ELP2: variants seen among roughly 807,000 people sequenced by gnomAD.
ELP2 encodes the protein elongator complex protein 2.
Under a neutral mutation model 119.2 loss-of-function variants are expected in ELP2, and 90 were observed. The observed-to-expected ratio is 0.75, with a 90% confidence interval of 0.64 to 0.90. ELP2 has a LOEUF of 0.90. ELP2 is among the 40% of genes least tolerant of loss of function. ELP2 has a pLI of 0.00. For missense variants in ELP2, 921 were observed against 967.8 expected (o/e 0.95, Z 0.64); for synonymous variants, 339 against 331.0 (o/e 1.02, Z -0.26).
chr18:36,141,518 C>A, intron 6 of ELP2: 1 of 331,332 alleles, frequency 3.0e-6, no homozygotes, highest in Non-Finnish European at 5.8e-6. Context: ...GTGAAGCATT[C>A]CTAGTAGTGT....
chr18:36,155,988 T>G (rs2090561012), intron 12 of ELP2, among the ~76,000 whole-genome samples: 1 of 152,188 alleles, frequency 6.6e-6, no homozygotes, highest in East Asian at 1.9e-4. Context: ...GGAACTAATG[T>G]TTCTGTAATT....
At chr18:36,148,694 A>G (rs1052485999) in intron 11 of ELP2, among the ~76,000 whole-genome samples, 4 of 152,140 alleles carry the variant, frequency 2.6e-5, no homozygotes, top group Non-Finnish European at 4.4e-5. Flanking sequence ...CCCTGTCTGT[A>G]CCAATAATTT....
At position 36,145,952 on chromosome 18, in the gene ELP2, T is replaced by C. The variant is rs1266043205; in HGVS notation, c.897T>C (p.Gly299=). ...GGATTAGGTTTTATTTTTTAGATGG[T>C]GTCCTACAGCAGCCAGTGAGATTAT... is the stretch of plus-strand genomic sequence containing the variant. The part of the protein sequence containing the change: ...VHWQPVFYKD[G]VLQQPVRLLS... Residue 299 remains glycine (G), a synonymous_variant, in exon 10 of 22, where the codon GGT becomes GGC. Coordinates refer to ENST00000358232, the MANE Select transcript of ELP2 (RefSeq NM_018255.4). 6.2e-7 allele frequency: 1 copy of C among 1,612,608 alleles called. No homozygotes were observed.
intron 1 of ELP2, among the ~76,000 whole-genome samples, chr18:36,131,850 A>G (rs901044662): frequency 2.0e-5 from 3 of 150,648 alleles, no homozygotes; most frequent in Non-Finnish European, 4.4e-5. Flanking sequence ...CTGGTGGCTG[A>G]GCTAGTGAAT....
chr18:36,165,648 G>A (rs1177477920), intron 18 of ELP2, among the ~76,000 whole-genome samples: 12 of 152,194 alleles, frequency 7.9e-5, no homozygotes, highest in South Asian at 2.1e-4. Context: ...TTGGGAGGCC[G>A]AGGTGGGCGG....
chr18:36,170,668 A>T (rs931835014), intron 20 of ELP2, among the ~76,000 whole-genome samples: 1 of 152,204 alleles, frequency 6.6e-6, no homozygotes, highest in Admixed American at 6.5e-5. Flanking sequence ...TTTTAAATTG[A>T]TAGAACCTAA....
In ELP2 at chr18:36,144,555, C is replaced by G. The variant is rs189217860; in HGVS notation, c.797-384C>G. Among the ~76,000 whole-genome samples, 135 of 152,184 alleles carry G rather than the reference C, an allele frequency of 8.9e-4. 1 individual carries two copies. The East Asian group carries it at 0.026, about 29-fold the overall frequency. ...TGAGATTTAGGTGAGGACACAGAGCCAAACCATATCAGTATTTTAGGCTAT... is the reference window on the plus strand; with the variant it reads ...TGAGATTTAGGTGAGGACACAGAGCGAAACCATATCAGTATTTTAGGCTAT... On this transcript the variant is annotated intron_variant, in intron 8 of 21. Transcript: ENST00000358232.
chr18:36,166,027 T>TA (rs1221441550), intron 18 of ELP2, among the ~76,000 whole-genome samples: 11 of 151,296 alleles, frequency 7.3e-5, no homozygotes, highest in South Asian at 4.2e-4. Context: ...CCATCTCTAC[T>TA]AAAAAAAATG....
At position 36,163,266 on chromosome 18, in the gene ELP2, T is replaced by C. The variant is rs910443913; in HGVS notation, c.1762-1209T>C. On this transcript the variant is annotated intron_variant, in intron 17 of 21. Transcript: ENST00000358232. Reference sequence around the variant, plus strand: ...ATTGTTTTTTATGGCCGAGTAGTAGTTCATGGGGGGTGTGTGTGTGTGTGT... The same window carrying C: ...ATTGTTTTTTATGGCCGAGTAGTAGCTCATGGGGGGTGTGTGTGTGTGTGT... Among the ~76,000 whole-genome samples, 3 of 36,686 alleles carry C rather than the reference T, an allele frequency of 8.2e-5. No homozygotes were observed. In the Admixed American group the frequency reaches 9.1e-4, roughly 11 times the overall value. 24.1% of individuals were successfully genotyped at this position (36,686 alleles called of 152,430 possible). A position where few individuals can be genotyped will look rare whatever the true frequency, so the allele number is the denominator to read the frequency against.
At chr18:36,166,329 T>TG (rs1568022359) in intron 18 of ELP2, among the ~76,000 whole-genome samples, 3 of 54,286 alleles carry the variant, frequency 5.5e-5, no homozygotes, top group African/African-American at 1.7e-4. Flanking sequence ...GTTTTTTTTT[T>TG]TTTTTTTTTT....
intron 11 of ELP2, among the ~76,000 whole-genome samples, chr18:36,148,554 G>C (rs1330069679): frequency 6.6e-6 from 1 of 152,162 alleles, no homozygotes; most frequent in Non-Finnish European, 1.5e-5. Context: ...TCAGGCCAGG[G>C]ATCCTTTACA....
At position 36,147,956 on chromosome 18, in the gene ELP2, G is replaced by C. The variant is rs73428947; in HGVS notation, c.1125+1575G>C. Among the ~76,000 whole-genome samples, 408 of 152,082 alleles carry C rather than the reference G, an allele frequency of 2.7e-3. 1 individual carries two copies. The highest frequency in any genetic ancestry group is 9.4e-3 in the African/African-American group (391 of 41,478). ...AAGCTCCCATGCCCTCCCTGGCTGT[G>C]CCGCCCTCCAGGAACCTCCATGTGC... On this transcript the variant is annotated intron_variant, in intron 11 of 21. Transcript: ENST00000358232.
In ELP2 at chr18:36,160,028, G is replaced by C; in HGVS notation, c.1688+13G>C. The C allele has an allele frequency of 6.2e-7, 1 of 1,613,014 alleles. No individual in the cohort carries two copies. The highest frequency in any genetic ancestry group is 8.5e-7 in the Non-Finnish European group (1 of 1,179,544). On this transcript the variant is annotated intron_variant, in intron 16 of 21. Transcript: ENST00000358232. ...AAGTTCAAAAACTGTAAGTTAAACTGTATTTAGCTCTTTGGTCTGATTCTG... is the reference window on the plus strand; with the variant it reads ...AAGTTCAAAAACTGTAAGTTAAACTCTATTTAGCTCTTTGGTCTGATTCTG...
At position 36,137,720 on chromosome 18, in the gene ELP2, T is replaced by G. The variant is rs372750127; in HGVS notation, c.289-550T>G. Among the ~76,000 whole-genome samples, 12 of 148,732 alleles carry G rather than the reference T, an allele frequency of 8.1e-5. No individual in the cohort carries two copies. The East Asian group carries it at 2.0e-3, about 25-fold the overall frequency. On this transcript the variant is annotated intron_variant, in intron 3 of 21. Transcript: ENST00000358232. The stretch of plus-strand genomic sequence containing the variant: ...CCCTACTTGATTTAGGCAAGTATCA[T>G]GAGTGGATGCTAAAAGTACTTAGTA...
chr18:36,166,331 T>TTTTTTTTTTTTTTTTTTTTTTTTTG, intron 18 of ELP2, among the ~76,000 whole-genome samples: 1 of 119,036 alleles, frequency 8.4e-6, no homozygotes, highest in Non-Finnish European at 1.7e-5. Flanking sequence ...TTTTTTTTTT[T>TTTTTTTTTTTTTTTTTTTTTTTTTG]TTTTTTTTTT....
At chr18:36,169,001 T>C (rs57334397) in intron 19 of ELP2, among the ~76,000 whole-genome samples, 12,216 of 133,310 alleles carry the variant, frequency 0.092, 605 homozygotes, top group East Asian at 0.17. Flanking sequence ...CTTGGCTCAC[T>C]GCAACCCCCG....
At chr18:36,159,439 C>A (rs2090665429) in intron 14 of ELP2, among the ~76,000 whole-genome samples, 1 of 152,088 alleles carries the variant, frequency 6.6e-6, no homozygotes, top group Admixed American at 6.6e-5. Context: ...GGTGTTAGAA[C>A]TACAGATGAG....
rs529959650 is a variant in ELP2, at chr18:36,179,950, A to G, written c.*5309A>G. On this transcript the variant is annotated 3_prime_UTR_variant, in exon 22 of 22. Transcript: ENST00000358232. The stretch of plus-strand genomic sequence containing the variant: ...CTAAAAGTGGAGATGAGATTAGTGT[A>G]TGAGTCTGGCTTCCATTCAACTGTG... 1 of 152,312 alleles carries G rather than the reference A, an allele frequency of 6.6e-6. No individual in the cohort carries two copies. Among genetic ancestry groups the G allele is most frequent in the East Asian group, 1.9e-4 (1 of 5,192 alleles). The allele number at this position is 152,312 out of a possible 1,614,324, so 9.4% of individuals were successfully genotyped here.
At chr18:36,160,617 G>A (rs1171749711) in intron 16 of ELP2, among the ~76,000 whole-genome samples, 1 of 150,402 alleles carries the variant, frequency 6.6e-6, no homozygotes, top group Non-Finnish European at 1.5e-5. Flanking sequence ...TGTTAGTCAT[G>A]GTCTTTTTGT....
Sources: allele counts gnomAD v4.1 joint callset (sites outside exome capture counted in the v4.1 genomes callset), GRCh38; gene constraint gnomAD v4.1.1; transcripts MANE v1.5; gene names NCBI Gene and HGNC (gene_info 2026-07-23, HGNC 2026-07-21).